Variants in CTNNA3 observed in about 807,000 individuals in gnomAD.
The protein encoded by CTNNA3 is catenin alpha 3.
Under a neutral mutation model 95.7 loss-of-function variants are expected in CTNNA3, and 76 were observed. That is an observed-to-expected ratio of 0.79 (90% CI 0.66 to 0.96). The LOEUF (loss-of-function observed/expected upper bound fraction) is 0.96. Ranked by LOEUF, CTNNA3 falls within the 40% of genes least tolerant of loss-of-function variation. The probability of loss-of-function intolerance (pLI) is 0.00; values close to 1 mark genes in which losing one functional copy is unlikely to be tolerated. For missense variants in CTNNA3, 1,191 were observed against 1,089.8 expected (o/e 1.09, Z -1.31); for synonymous variants, 431 against 374.4 (o/e 1.15, Z -1.74).
At chr10:65,998,845 A>T (rs1330440713) in intron 15 of CTNNA3, among the ~76,000 whole-genome samples, 4 of 152,182 alleles carry the variant, frequency 2.6e-5, no homozygotes, top group Non-Finnish European at 4.4e-5. Context: ...GAGGGGATTC[A>T]TGCAAAGCTA....
intron 5 of CTNNA3, among the ~76,000 whole-genome samples, chr10:67,464,706 T>C (rs1002388318): frequency 6.6e-6 from 1 of 152,106 alleles, no homozygotes; most frequent in Non-Finnish European, 1.5e-5. Flanking sequence ...AAAAAGGAGT[T>C]TGAAATGATT....
At chr10:67,209,080 C>G (rs1454721663) in intron 6 of CTNNA3, among the ~76,000 whole-genome samples, 3 of 152,038 alleles carry the variant, frequency 2.0e-5, no homozygotes, top group African/African-American at 7.2e-5. Context: ...GACAGAGTCT[C>G]ACTCTGTCAC....
intron 5 of CTNNA3, among the ~76,000 whole-genome samples, chr10:67,492,429 T>C (rs1838878804): frequency 6.6e-6 from 1 of 152,194 alleles, no homozygotes; most frequent in South Asian, 2.1e-4. Context: ...TCCTTAGAAA[T>C]GTTTGACTTC....
chr10:66,024,291 G>A (rs1008028744), intron 15 of CTNNA3, among the ~76,000 whole-genome samples: 2 of 151,690 alleles, frequency 1.3e-5, no homozygotes, highest in Admixed American at 6.6e-5. Context: ...GGGTTTCACC[G>A]TGTTAGTCAG....
At chr10:67,718,800 G>A (rs11815664) in intron 1 of CTNNA3, among the ~76,000 whole-genome samples, 18,971 of 152,146 alleles carry the variant, frequency 0.12, 1,769 homozygotes, top group African/African-American at 0.27. Flanking sequence ...TTAGGTATCA[G>A]GATGATGCTG....
intron 4 of CTNNA3, among the ~76,000 whole-genome samples, chr10:67,532,074 C>T (rs995041272): frequency 6.6e-6 from 1 of 152,088 alleles, no homozygotes; most frequent in Non-Finnish European, 1.5e-5. Flanking sequence ...TCCATTAAAC[C>T]TCTTTCTTTT....
At chr10:66,358,935 A>G (rs1169362515) in intron 12 of CTNNA3, among the ~76,000 whole-genome samples, 3 of 152,074 alleles carry the variant, frequency 2.0e-5, no homozygotes, top group Non-Finnish European at 4.4e-5. Flanking sequence ...GCCCCTATTC[A>G]TTTTGTTCCT....
intron 5 of CTNNA3, among the ~76,000 whole-genome samples, chr10:67,457,035 T>C (rs529478673): frequency 3.3e-5 from 5 of 152,154 alleles, no homozygotes; most frequent in Admixed American, 6.6e-5. Context: ...AGTTGCAGTG[T>C]TTCAGAGAGT....
At chr10:66,115,192 A>T (rs2082277530) in intron 13 of CTNNA3, among the ~76,000 whole-genome samples, 1 of 152,186 alleles carries the variant, frequency 6.6e-6, no homozygotes, top group Non-Finnish European at 1.5e-5. Flanking sequence ...TCAACGTTGC[A>T]TGATATTTGA....
At chr10:67,102,227 G>A (rs1858385450) in intron 7 of CTNNA3, among the ~76,000 whole-genome samples, 1 of 151,706 alleles carries the variant, frequency 6.6e-6, no homozygotes, top group Non-Finnish European at 1.5e-5. Context: ...GGACCCAGGA[G>A]CAATGCTTTC....
At chr10:66,040,642 G>C (rs963276386) in intron 15 of CTNNA3, among the ~76,000 whole-genome samples, 2 of 152,124 alleles carry the variant, frequency 1.3e-5, no homozygotes, top group African/African-American at 4.8e-5. Flanking sequence ...GCCAAATCCA[G>C]CATGTTCTCA....
chr10:67,356,304 A>T (rs1408555299), intron 5 of CTNNA3, among the ~76,000 whole-genome samples: 1 of 151,902 alleles, frequency 6.6e-6, no homozygotes, highest in Non-Finnish European at 1.5e-5. Context: ...TCACTGTCCT[A>T]CTTCCTCATC....
intron 5 of CTNNA3, among the ~76,000 whole-genome samples, chr10:67,242,032 G>T (rs935120304): frequency 6.6e-6 from 1 of 152,094 alleles, no homozygotes; most frequent in Non-Finnish European, 1.5e-5. Context: ...TGCTCTTAAA[G>T]CCTGTCAAAA....
chr10:67,201,074 G>C (rs1239475898), intron 6 of CTNNA3, among the ~76,000 whole-genome samples: 1 of 151,948 alleles, frequency 6.6e-6, no homozygotes, highest in Non-Finnish European at 1.5e-5. Context: ...TCTGCATTGG[G>C]CCTCCCTCCC....
intron 12 of CTNNA3, among the ~76,000 whole-genome samples, chr10:66,308,316 C>A (rs2091958767): frequency 6.6e-6 from 1 of 152,036 alleles, no homozygotes; most frequent in African/African-American, 2.4e-5. Context: ...CTTTGTTCTG[C>A]AAATTCGATA....
intron 13 of CTNNA3, among the ~76,000 whole-genome samples, chr10:66,116,938 A>AC (rs1023062672): frequency 2.0e-5 from 3 of 151,554 alleles, no homozygotes; most frequent in African/African-American, 2.4e-5. Flanking sequence ...TTCAATCACC[A>AC]CCCCCCCAGG....
chr10:66,170,382 A>G (rs551892523), intron 13 of CTNNA3, among the ~76,000 whole-genome samples: 1 of 151,736 alleles, frequency 6.6e-6, no homozygotes, highest in South Asian at 2.1e-4. Context: ...AAAACACTAG[A>G]TTGCATGCTT....
rs78763005 is a variant in CTNNA3, at chr10:67,424,983, A to G, written c.579+96859T>C. Among the ~76,000 whole-genome samples, 3 of 152,242 alleles carry G rather than the reference A, an allele frequency of 2.0e-5. No individual in the cohort carries two copies. In the East Asian group the frequency reaches 5.8e-4, roughly 29 times the overall value. ...ACTATTTTTAAAAAGCGTGTATTAG[A>G]AATGTTTTCGGAATTAACTGGGGGC... On this transcript the variant is annotated intron_variant, in intron 5 of 17. Transcript: ENST00000433211.
chr10:66,723,496 C>CA (rs1554841458), intron 9 of CTNNA3, among the ~76,000 whole-genome samples: 1 of 151,918 alleles, frequency 6.6e-6, no homozygotes, highest in Non-Finnish European at 1.5e-5. Context: ...CTAAGGTCAT[C>CA]AAAAAAAATC....
Sources: gnomAD v4.1 joint callset for allele counts (sites outside exome capture counted in the v4.1 genomes callset) on GRCh38, gnomAD v4.1.1 for gene constraint, MANE v1.5 for transcripts, NCBI Gene and HGNC (gene_info 2026-07-23, HGNC 2026-07-21) for gene names.